SYT16: variants seen among roughly 807,000 people sequenced by gnomAD.
SYT16 encodes the protein synaptotagmin 16, also known as synaptotagmin-16.
SYT16 carries 42 observed loss-of-function variants against 61.4 expected under a neutral mutation model. The ratio of observed to expected loss-of-function variants is 0.68; its 90% CI spans 0.53 to 0.89. The LOEUF is 0.89. Among genes scored for constraint, SYT16 ranks in the 40% least tolerant of loss-of-function variants. The pLI, the probability that SYT16 is intolerant of heterozygous loss-of-function variation, is 0.00. For missense variants in SYT16, 804 were observed against 807.3 expected, an observed-to-expected ratio of 1.00 and a Z score of 0.05; for synonymous variants, 314 against 302.3, an observed-to-expected ratio of 1.04 and a Z score of -0.40.
intron 3 of SYT16, among the ~76,000 whole-genome samples, chr14:62,006,931 T>C (rs1250503726): frequency 2.0e-5 from 3 of 152,182 alleles, no homozygotes; most frequent in Non-Finnish European, 4.4e-5. Flanking sequence ...TATAGAACTT[T>C]AGAAACAATC....
At chr14:62,079,263 C>G (rs2056620470) in intron 5 of SYT16, 1 of 695,326 alleles carries the variant, frequency 1.4e-6, no homozygotes, top group African/African-American at 1.9e-5. Context: ...TAGAAACACT[C>G]ACGCATGATT....
At chr14:62,028,648 A>G (rs2054191701) in intron 3 of SYT16, among the ~76,000 whole-genome samples, 1 of 152,208 alleles carries the variant, frequency 6.6e-6, no homozygotes, top group Non-Finnish European at 1.5e-5. Flanking sequence ...TGAAAAGGCT[A>G]ATTAAGGAGA....
intron 2 of SYT16, among the ~76,000 whole-genome samples, chr14:61,988,462 A>G (rs2052412006): frequency 1.3e-5 from 2 of 152,182 alleles, no homozygotes; most frequent in African/African-American, 4.8e-5. Context: ...ATAAATACTC[A>G]CAAATACTCA....
chr14:61,943,068 G>C (rs1239025800), intron 1 of SYT16, among the ~76,000 whole-genome samples: 9 of 152,104 alleles, frequency 5.9e-5, no homozygotes, highest in Admixed American at 5.2e-4. Flanking sequence ...TGATCCCACA[G>C]AAACACAAAC....
chr14:61,897,974 A>G (rs1024558417), intron 1 of SYT16, among the ~76,000 whole-genome samples: 1 of 152,122 alleles, frequency 6.6e-6, no homozygotes, highest in African/African-American at 2.4e-5. Flanking sequence ...ACTCAAATCA[A>G]ATGATTTCTA....
At chr14:62,072,897 A>G (rs2056350927) in intron 4 of SYT16, among the ~76,000 whole-genome samples, 1 of 152,202 alleles carries the variant, frequency 6.6e-6, no homozygotes. Flanking sequence ...GTTAAAATAA[A>G]TTTGGTTGAT....
intron 3 of SYT16, among the ~76,000 whole-genome samples, chr14:62,056,042 C>T (rs1249076339): frequency 6.6e-6 from 1 of 150,818 alleles, no homozygotes; most frequent in Non-Finnish European, 1.5e-5. Flanking sequence ...ACTTTTTCCA[C>T]GTTCTTCTCC....
chr14:62,029,100 A>C (rs1472683001), intron 3 of SYT16, among the ~76,000 whole-genome samples: 1 of 152,210 alleles, frequency 6.6e-6, no homozygotes, highest in African/African-American at 2.4e-5. Flanking sequence ...GGCCAGCCTG[A>C]GCATCACAGT....
At chr14:62,015,741 T>C (rs927235876) in intron 3 of SYT16, among the ~76,000 whole-genome samples, 2 of 152,196 alleles carry the variant, frequency 1.3e-5, no homozygotes, top group Non-Finnish European at 2.9e-5. Flanking sequence ...GTCTCAGAAG[T>C]TGGCCTTCAT....
chr14:61,847,845 C>CT (rs1410559334), intron 1 of SYT16, among the ~76,000 whole-genome samples: 1 of 152,162 alleles, frequency 6.6e-6, no homozygotes, highest in African/African-American at 2.4e-5. Context: ...TTAAGAGACT[C>CT]TAATGCATTC....
chr14:62,072,093 G>A (rs1473651781), intron 4 of SYT16, among the ~76,000 whole-genome samples: 1 of 152,224 alleles, frequency 6.6e-6, no homozygotes, highest in East Asian at 1.9e-4. Context: ...GTCTTTAGAC[G>A]TGAAAGGTTA....
intron 1 of SYT16, among the ~76,000 whole-genome samples, chr14:61,969,467 C>CTGA (rs2140523394): frequency 6.6e-6 from 1 of 152,138 alleles, no homozygotes; most frequent in South Asian, 2.1e-4. Flanking sequence ...TTTTTTGATA[C>CTGA]TGATGAGGAG....
intron 3 of SYT16, among the ~76,000 whole-genome samples, chr14:62,022,347 C>T (rs1317901240): frequency 1.3e-5 from 2 of 152,214 alleles, no homozygotes; most frequent in Non-Finnish European, 2.9e-5. Flanking sequence ...TATATCATTG[C>T]ATTGTCTTCC....
chr14:61,970,703 T>G (rs2051509742), intron 2 of SYT16, among the ~76,000 whole-genome samples: 1 of 152,218 alleles, frequency 6.6e-6, no homozygotes, highest in African/African-American at 2.4e-5. Context: ...TTTTACTCTT[T>G]AAGCTCACTG....
At chr14:62,112,717 A>T (rs2057627272), downstream of SYT16, among the ~76,000 whole-genome samples, 1 of 152,196 alleles carries the variant, frequency 6.6e-6, no homozygotes, top group African/African-American at 2.4e-5. Flanking sequence ...TAAGCATTAC[A>T]TGTATGATCC....
chr14:62,037,952 A>G (rs1431498137), intron 3 of SYT16, among the ~76,000 whole-genome samples: 1 of 152,168 alleles, frequency 6.6e-6, no homozygotes, highest in African/African-American at 2.4e-5. Flanking sequence ...TTTTATGATC[A>G]CCATGTACAT....
At chr14:61,971,679 G>A (rs1409263580) in intron 2 of SYT16, among the ~76,000 whole-genome samples, 1 of 152,232 alleles carries the variant, frequency 6.6e-6, no homozygotes, top group African/African-American at 2.4e-5. Flanking sequence ...GTATCAAAGA[G>A]TGTGCAGATA....
At chr14:62,033,720 A>G (rs564470250) in intron 3 of SYT16, among the ~76,000 whole-genome samples, 1 of 149,694 alleles carries the variant, frequency 6.7e-6, no homozygotes, top group African/African-American at 2.5e-5. Flanking sequence ...TCAGACCCAT[A>G]GACATAAATG....
intron 7 of SYT16, among the ~76,000 whole-genome samples, chr14:62,097,561 G>A (rs2057309777): frequency 6.6e-6 from 1 of 152,208 alleles, no homozygotes; most frequent in African/African-American, 2.4e-5. Flanking sequence ...TGCTCTGAAA[G>A]TTAAGAAGTA....
Sources: gnomAD v4.1 joint callset for allele counts (sites outside exome capture counted in the v4.1 genomes callset) on GRCh38, gnomAD v4.1.1 for gene constraint, MANE v1.5 for transcripts, NCBI Gene and HGNC (gene_info 2026-07-23, HGNC 2026-07-21) for gene names.